Variants in PKD2L1 observed in about 807,000 individuals in gnomAD.
PKD2L1 encodes the protein polycystin 2 like 1, transient receptor potential cation channel.
A neutral mutation model predicts 93.0 loss-of-function variants in PKD2L1; 77 were observed. That is an observed-to-expected ratio of 0.83 (90% confidence interval 0.69 to 1.00). The LOEUF (loss-of-function observed/expected upper bound fraction) is 1.00, where lower values mean the gene tolerates loss of function less well. PKD2L1 is among the 50% of genes least tolerant of loss of function. PKD2L1 has a pLI of 0.00. For synonymous variants in PKD2L1, 390 were observed against 388.0 expected, an observed-to-expected ratio of 1.01 and a Z score of -0.06; for missense variants, 977 against 990.9, an observed-to-expected ratio of 0.99 and a Z score of 0.19.
rs1849475992 is a variant in PKD2L1, at chr10:100,330,165, G to T, written c.-62C>A. On this transcript the variant is annotated 5_prime_UTR_variant, in exon 1 of 16. Coordinates refer to ENST00000318222, the MANE Select transcript of PKD2L1 (RefSeq NM_016112.3). ...CCACTCTCAGCTAGAGGAAGAGGGA[G>T]CAGAGGCACAGCCCAGCCTAGCCAG... is the stretch of plus-strand genomic sequence containing the variant. 27 of 1,064,190 alleles carry T rather than the reference G, an allele frequency of 2.5e-5. No homozygotes were observed. In the South Asian group the frequency reaches 4.0e-4, roughly 16 times the overall value. 65.9% of individuals were successfully genotyped at this position (1,064,190 alleles called of 1,614,324 possible).
At position 100,311,909 on chromosome 10, in the gene PKD2L1, T is replaced by G. The variant is rs545710055; in HGVS notation, c.350-12191A>C. On this transcript the variant is annotated intron_variant, in intron 2 of 15. Coordinates refer to ENST00000318222, the MANE Select transcript of PKD2L1 (RefSeq NM_016112.3). ...GTCAACTGTTCCTTCCTAACCTGGA[T>G]AGCTCTGAAGAGAAGCATTAAGGAT... is the stretch of plus-strand genomic sequence containing the variant. Among the ~76,000 whole-genome samples the G allele has an allele frequency of 2.4e-3, 372 of 152,314 alleles. 2 individuals are homozygous for G. Among genetic ancestry groups the G allele is most frequent in the African/African-American group, 8.7e-3 (362 of 41,572 alleles).
At chr10:100,290,618 TC>T in intron 12 of PKD2L1, 99 bp from the exon 13 acceptor site, 1 of 746,654 alleles carries the variant, frequency 1.3e-6, no homozygotes, top group Non-Finnish European at 2.3e-6. Flanking sequence ...GGACCAAGGC[TC>T]AGGTCCTAGT....
chr10:100,324,990 G>C (rs984210224), intron 2 of PKD2L1, among the ~76,000 whole-genome samples: 2 of 152,150 alleles, frequency 1.3e-5, no homozygotes, highest in Admixed American at 1.3e-4. Context: ...GGCTTATAAC[G>C]TGTATTCCCA....
chr10:100,296,216 T>A lies in PKD2L1; in HGVS notation c.1262A>T (p.Gln421Leu), dbSNP rs978765310. ...VNRLMGKLLQ[Q>L]PNTYADFEFL... ...CTCAAAGTCTGCATACGTGTTTGGCTGCTGCAGGAGCTTCCCCATGAGCCG... is the reference window on the plus strand; with the variant it reads ...CTCAAAGTCTGCATACGTGTTTGGCAGCTGCAGGAGCTTCCCCATGAGCCG... The change falls in exon 7 of 16, where the codon CAG becomes CTG. Residue 421 changes from glutamine (Q) to leucine (L), a missense_variant. Coordinates refer to ENST00000318222, the MANE Select transcript of PKD2L1 (RefSeq NM_016112.3). 1.2e-6 allele frequency: 2 copies of A among 1,612,066 alleles called. No individual in the cohort carries two copies. Among genetic ancestry groups the A allele is most frequent in the Admixed American group, 1.7e-5 (1 of 59,704 alleles).
At chr10:100,327,261 G>A (rs529697593) in intron 2 of PKD2L1, among the ~76,000 whole-genome samples, 7 of 152,320 alleles carry the variant, frequency 4.6e-5, no homozygotes, top group Admixed American at 3.9e-4. Context: ...AGCACCATGG[G>A]AAGGATCACA....
chr10:100,329,437 C>T, intron 1 of PKD2L1, 113 bp from the exon 2 acceptor site: 1 of 1,418,060 alleles, frequency 7.1e-7, no homozygotes, highest in South Asian at 1.2e-5. Context: ...CTTCCTTGCC[C>T]ATCACCTTCA....
chr10:100,304,302 T>G (rs982739115), intron 2 of PKD2L1, among the ~76,000 whole-genome samples: 1 of 152,184 alleles, frequency 6.6e-6, no homozygotes, highest in African/African-American at 2.4e-5. Context: ...GAGGGGTACT[T>G]TCCCACCATT....
intron 8 of PKD2L1, 69 bp from the exon 9 acceptor site, chr10:100,294,724 G>A: frequency 6.3e-7 from 1 of 1,598,990 alleles, no homozygotes. Context: ...CCTAATCACA[G>A]AGAGACCCCT....
At chr10:100,322,409 C>A (rs1458977650) in intron 2 of PKD2L1, among the ~76,000 whole-genome samples, 1 of 152,028 alleles carries the variant, frequency 6.6e-6, no homozygotes, top group East Asian at 1.9e-4. Context: ...CGCCTGTAAT[C>A]CCAGGTACAC....
intron 1 of PKD2L1, 70 bp from the exon 2 acceptor site, chr10:100,329,394 G>T: frequency 1.2e-6 from 2 of 1,609,736 alleles, no homozygotes; most frequent in Non-Finnish European, 8.5e-7. Context: ...CCACCCATCT[G>T]TCTCTGGACT....
chr10:100,325,015 G>C (rs569810047), intron 2 of PKD2L1, among the ~76,000 whole-genome samples: 3 of 152,198 alleles, frequency 2.0e-5, no homozygotes, highest in African/African-American at 7.2e-5. Flanking sequence ...TTAGGCAGGA[G>C]AGCTCAGTCA....
At chr10:100,302,472 G>A (rs1000233345) in intron 2 of PKD2L1, among the ~76,000 whole-genome samples, 14 of 151,914 alleles carry the variant, frequency 9.2e-5, no homozygotes, top group East Asian at 3.9e-4. Flanking sequence ...GGAGGTGGGC[G>A]GATCACTTGA....
At chr10:100,293,943 C>T (rs569014400) in intron 9 of PKD2L1, among the ~76,000 whole-genome samples, 6 of 152,184 alleles carry the variant, frequency 3.9e-5, no homozygotes, top group African/African-American at 1.4e-4. Context: ...ACTGTCTCTA[C>T]AAAAGATACA....
chr10:100,291,942 T>A (rs1848415715), intron 11 of PKD2L1, among the ~76,000 whole-genome samples: 2 of 151,992 alleles, frequency 1.3e-5, no homozygotes, highest in Non-Finnish European at 2.9e-5. Flanking sequence ...AATGCTCAAC[T>A]ACTTATTCCT....
At chr10:100,320,122 T>C (rs539330699) in intron 2 of PKD2L1, among the ~76,000 whole-genome samples, 1 of 152,276 alleles carries the variant, frequency 6.6e-6, no homozygotes, top group African/African-American at 2.4e-5. Flanking sequence ...ATTCCTAAAC[T>C]ATTCATAATG....
intron 2 of PKD2L1, among the ~76,000 whole-genome samples, chr10:100,312,567 G>A (rs567384302): frequency 3.2e-4 from 48 of 152,208 alleles, no homozygotes; most frequent in African/African-American, 1.0e-3. Flanking sequence ...GTCTCTCAGC[G>A]GATGGAATAC....
intron 2 of PKD2L1, among the ~76,000 whole-genome samples, chr10:100,302,728 C>G (rs1848711923): frequency 6.6e-6 from 1 of 151,336 alleles, no homozygotes; most frequent in Non-Finnish European, 1.5e-5. Flanking sequence ...TTAAATGAGA[C>G]TAAAGAAATT....
At chr10:100,291,487 G>T (rs35423189) in intron 11 of PKD2L1, 60 bp from the exon 12 acceptor site, 95,529 of 1,576,798 alleles carry the variant, frequency 0.061, 3,206 homozygotes, top group African/African-American at 0.098. Flanking sequence ...CTCAGTTATG[G>T]ACTTCCTCAC....
intron 11 of PKD2L1, among the ~76,000 whole-genome samples, chr10:100,291,817 A>G (rs1214355401): frequency 3.9e-5 from 6 of 151,996 alleles, no homozygotes; most frequent in African/African-American, 1.2e-4. Flanking sequence ...CTGGCACCCT[A>G]TTCTTTTGGC....
Sources: allele counts gnomAD v4.1 joint callset (sites outside exome capture counted in the v4.1 genomes callset), GRCh38; gene constraint gnomAD v4.1.1; transcripts MANE v1.5; gene names NCBI Gene and HGNC (gene_info 2026-07-23, HGNC 2026-07-21).